The following SPMIP4 variants were observed in gnomAD, a reference collection of about 807,000 sequenced individuals.
SPMIP4 encodes sperm microtubule inner protein 4.
At chr7:25,137,835 A>C in the SPMIP4 span, among the ~76,000 whole-genome samples, 1 of 152,184 alleles carries the variant, frequency 6.6e-6, no homozygotes, top group Admixed American at 6.5e-5. Flanking sequence ...ATTATGCTAC[A>C]ACTTCAACAA....
At chr7:25,128,783 CCACACCTGAAGCCAG>C in the SPMIP4 span, among the ~76,000 whole-genome samples, 1 of 152,194 alleles carries the variant, frequency 6.6e-6, no homozygotes, top group Non-Finnish European at 1.5e-5. The surrounding 1 kb of genome is among the most constrained non-coding windows in gnomAD (Gnocchi z 4.5). Flanking sequence ...CCTGAAGCCA[CCACACCTGAAGCCAG>C]CATGGCTGGC....
chr7:25,154,969 T>C, the SPMIP4 span: 3 of 1,539,246 alleles, frequency 1.9e-6, no homozygotes, highest in Admixed American at 1.9e-5. Flanking sequence ...GAAATCCCAA[T>C]AATAAGAATT....
chr7:25,178,077 G>A, the SPMIP4 span, among the ~76,000 whole-genome samples: 6 of 152,272 alleles, frequency 3.9e-5, no homozygotes, highest in South Asian at 2.1e-4. Context: ...TTCTGTTCCC[G>A]TGTTAGTTTG....
At chr7:25,174,590 AT>A in the SPMIP4 span, among the ~76,000 whole-genome samples, 1 of 152,236 alleles carries the variant, frequency 6.6e-6, no homozygotes, top group Non-Finnish European at 1.5e-5. This position sits in a 1 kb window ranked among gnomAD's most constrained non-coding sequence, Gnocchi z 4.5. Flanking sequence ...ATTTAAAAAA[AT>A]GTTTTAAGAG....
chr7:25,179,413 A>G, the SPMIP4 span: 2 of 1,281,302 alleles, frequency 1.6e-6, no homozygotes, highest in African/African-American at 1.5e-5. Flanking sequence ...AAATTGTTCA[A>G]CCTGACGCTG....
At chr7:25,142,844 T>C in the SPMIP4 span, 1 of 1,449,374 alleles carries the variant, frequency 6.9e-7, no homozygotes, top group African/African-American at 1.5e-5. Flanking sequence ...ATTACTGCTG[T>C]TAATGTCATC....
At chr7:25,148,108 C>T in the SPMIP4 span, among the ~76,000 whole-genome samples, 2 of 152,254 alleles carry the variant, frequency 1.3e-5, no homozygotes, top group East Asian at 3.9e-4. Context: ...AGACTATTAT[C>T]CCAGAAATGC....
the SPMIP4 span, among the ~76,000 whole-genome samples, chr7:25,158,698 G>A: frequency 6.7e-5 from 10 of 150,062 alleles, 1 homozygote; most frequent in Non-Finnish European, 1.5e-5. Flanking sequence ...TCAGGAGTTC[G>A]AGACCAGCCT....
At chr7:25,127,120 A>T in the SPMIP4 span, among the ~76,000 whole-genome samples, 1 of 151,958 alleles carries the variant, frequency 6.6e-6, no homozygotes, top group South Asian at 2.1e-4. Context: ...TTCTTTCTTT[A>T]TCCTGGATCT....
At chr7:25,126,477 C>T in the SPMIP4 span, among the ~76,000 whole-genome samples, 1 of 152,098 alleles carries the variant, frequency 6.6e-6, no homozygotes, top group African/African-American at 2.4e-5. Flanking sequence ...ACGCCCAGGG[C>T]AAATAATATT....
At chr7:25,138,118 G>C in the SPMIP4 span, among the ~76,000 whole-genome samples, 1 of 151,932 alleles carries the variant, frequency 6.6e-6, no homozygotes, top group African/African-American at 2.4e-5. This position sits in a 1 kb window ranked among gnomAD's most constrained non-coding sequence, Gnocchi z 6.2. Context: ...TTAATGCCTG[G>C]AGAATATGTA....
At chr7:25,127,799 C>T in the SPMIP4 span, among the ~76,000 whole-genome samples, 5 of 152,186 alleles carry the variant, frequency 3.3e-5, no homozygotes, top group Admixed American at 2.0e-4. Flanking sequence ...TTATTGTCTT[C>T]ACAGTCTGGG....
chr7:25,133,186 A>G, the SPMIP4 span, among the ~76,000 whole-genome samples: 2 of 152,124 alleles, frequency 1.3e-5, no homozygotes, highest in African/African-American at 4.8e-5. Flanking sequence ...GTGTGTTCAT[A>G]TTTGGACATT....
the SPMIP4 span, among the ~76,000 whole-genome samples, chr7:25,148,901 G>A: frequency 1.3e-5 from 2 of 152,228 alleles, no homozygotes; most frequent in Non-Finnish European, 2.9e-5. Flanking sequence ...CAGAGACTCT[G>A]CCGCCGCCAG....
At chr7:25,134,188 A>C in the SPMIP4 span, among the ~76,000 whole-genome samples, 5 of 152,236 alleles carry the variant, frequency 3.3e-5, no homozygotes, top group East Asian at 9.6e-4. Context: ...TGAACCCAGG[A>C]GGCGGAGGTT....
the SPMIP4 span, among the ~76,000 whole-genome samples, chr7:25,130,473 C>T: frequency 2.0e-3 from 297 of 151,942 alleles, 1 homozygote; most frequent in Non-Finnish European, 3.6e-3. Flanking sequence ...CCACCATGCC[C>T]GGCTAATTTT....
At chr7:25,146,714 G>A in the SPMIP4 span, among the ~76,000 whole-genome samples, 341 of 152,310 alleles carry the variant, frequency 2.2e-3, no homozygotes, top group Non-Finnish European at 3.6e-3. Flanking sequence ...AAATATTTAG[G>A]TTTGCAGAAA....
the SPMIP4 span, chr7:25,161,113 TA>T: frequency 1.2e-6 from 1 of 862,754 alleles, no homozygotes; most frequent in Non-Finnish European, 1.7e-6. Flanking sequence ...TTTGGGGCTT[TA>T]AAAATGTCTC....
the SPMIP4 span, among the ~76,000 whole-genome samples, chr7:25,155,522 A>G: frequency 6.6e-6 from 1 of 152,220 alleles, no homozygotes; most frequent in Non-Finnish European, 1.5e-5. Flanking sequence ...TTGTGTTTGT[A>G]GAATGGTATA....
Sources: allele counts gnomAD v4.1 joint callset (sites outside exome capture counted in the v4.1 genomes callset), GRCh38; gene constraint gnomAD v4.1.1; non-coding constraint Gnocchi (gnomAD v3.1); transcripts MANE v1.5; gene names NCBI Gene and HGNC (gene_info 2026-07-23, HGNC 2026-07-21).